Variants in ZFAND4 observed in about 807,000 individuals in gnomAD.
ZFAND4 encodes AN1-type zinc finger protein 4.
A neutral mutation model predicts 64.4 loss-of-function variants in ZFAND4; 43 were observed. The observed-to-expected ratio is 0.67, with a 90% CI of 0.52 to 0.86. The LOEUF is 0.86. Ranked by LOEUF, ZFAND4 falls within the 40% of genes least tolerant of loss-of-function variation. The pLI, the probability that ZFAND4 is intolerant of heterozygous loss-of-function variation, is 0.00. For missense variants in ZFAND4, 929 were observed against 859.8 expected (o/e 1.08, Z -1.01); for synonymous variants, 296 against 305.7 (o/e 0.97, Z 0.33).
intron 2 of ZFAND4, among the ~76,000 whole-genome samples, chr10:45,660,154 G>A (rs112512717): frequency 8.0e-6 from 1 of 125,028 alleles, no homozygotes; most frequent in Non-Finnish European, 1.6e-5. Flanking sequence ...AGAGCGAGAC[G>A]CATCTCAAAA....
At chr10:45,644,137 T>A (rs976338420) in intron 5 of ZFAND4, among the ~76,000 whole-genome samples, 5 of 152,202 alleles carry the variant, frequency 3.3e-5, no homozygotes, top group African/African-American at 1.2e-4. Context: ...CACAGTAACA[T>A]AGTCATAATT....
chr10:45,629,881 A>G (rs2046089782), intron 6 of ZFAND4, among the ~76,000 whole-genome samples: 1 of 152,068 alleles, frequency 6.6e-6, no homozygotes, highest in Admixed American at 6.6e-5. Context: ...AAAATAAATT[A>G]ATTTTTAAAA....
At chr10:45,617,021 T>C (rs1027857695) in intron 9 of ZFAND4, among the ~76,000 whole-genome samples, 2 of 149,902 alleles carry the variant, frequency 1.3e-5, no homozygotes, top group Non-Finnish European at 3.0e-5. Context: ...GAGGTTGCAG[T>C]GAGCCAAGAT....
chr10:45,651,466 ATT>A, intron 4 of ZFAND4: 13 of 433,774 alleles, frequency 3.0e-5, no homozygotes, highest in South Asian at 2.1e-4. Flanking sequence ...CTCAATACGT[ATT>A]TGTTGAATGA....
intron 4 of ZFAND4, among the ~76,000 whole-genome samples, chr10:45,648,749 G>A (rs953220975): frequency 6.6e-6 from 1 of 152,066 alleles, no homozygotes; most frequent in African/African-American, 2.4e-5. Context: ...GCATGATTAT[G>A]TTGCTATATT....
rs1001890132 is a variant in ZFAND4 at position 45,616,144 on chromosome 10, G to C, written c.*292C>G. ...CGTTTCCTAAAGTGCATCTTTTGAAGATTTGCCTAGTAAAACTGCAATATC... is the reference window on the plus strand; with the variant it reads ...CGTTTCCTAAAGTGCATCTTTTGAACATTTGCCTAGTAAAACTGCAATATC... On this transcript the variant is annotated 3_prime_UTR_variant, in exon 10 of 10. Coordinates refer to ENST00000344646, the MANE Select transcript of ZFAND4 (RefSeq NM_174890.4). The C allele has an allele frequency of 9.8e-6, 3 of 306,008 alleles. No homozygotes were observed. Among genetic ancestry groups the C allele is most frequent in the African/African-American group, 6.6e-5 (3 of 45,358 alleles). 19.0% of individuals were successfully genotyped at this position (306,008 alleles called of 1,614,324 possible).
chr10:45,660,354 G>A (rs539667210), intron 2 of ZFAND4, among the ~76,000 whole-genome samples: 162 of 151,814 alleles, frequency 1.1e-3, no homozygotes, highest in African/African-American at 3.6e-3. Context: ...ACAAAGAAAA[G>A]AAAATAAACT....
chr10:45,631,395 A>C (rs2046216046), intron 6 of ZFAND4, among the ~76,000 whole-genome samples: 1 of 152,018 alleles, frequency 6.6e-6, no homozygotes, highest in Non-Finnish European at 1.5e-5. Context: ...TATAAATTCT[A>C]AGAAATAATC....
chr10:45,671,728 T>C (rs2049208518), intron 1 of ZFAND4, among the ~76,000 whole-genome samples: 1 of 151,174 alleles, frequency 6.6e-6, no homozygotes, highest in Non-Finnish European at 1.5e-5. Context: ...AAATACGCAA[T>C]ATAAATGACG....
chr10:45,624,126 T>G (rs1589248969), intron 8 of ZFAND4, among the ~76,000 whole-genome samples: 1 of 152,234 alleles, frequency 6.6e-6, no homozygotes, highest in South Asian at 2.1e-4. Flanking sequence ...TAATAGGCCT[T>G]GGAAAGGGCT....
intron 8 of ZFAND4, among the ~76,000 whole-genome samples, chr10:45,619,650 T>C (rs759031007): frequency 4.6e-5 from 7 of 152,156 alleles, no homozygotes; most frequent in Non-Finnish European, 8.8e-5. Context: ...GTCTGAAATT[T>C]CTTAAAGGGT....
chr10:45,628,920 G>GA (rs1418187998), intron 6 of ZFAND4, among the ~76,000 whole-genome samples: 29 of 142,854 alleles, frequency 2.0e-4, no homozygotes, highest in African/African-American at 6.7e-4. Flanking sequence ...AAAAAAAAGG[G>GA]AAAAAAAATA....
At chr10:45,636,215 T>C (rs1291405902) in intron 6 of ZFAND4, among the ~76,000 whole-genome samples, 1 of 152,238 alleles carries the variant, frequency 6.6e-6, no homozygotes, top group Non-Finnish European at 1.5e-5. Context: ...ACTTCTTGAC[T>C]ATCAGTTACT....
chr10:45,632,490 G>A (rs2046294059), intron 6 of ZFAND4, among the ~76,000 whole-genome samples: 1 of 152,068 alleles, frequency 6.6e-6, no homozygotes, highest in South Asian at 2.1e-4. Context: ...ATGAGAGGAT[G>A]AAGAGAGAAG....
At chr10:45,620,986 C>G (rs2045379756) in intron 8 of ZFAND4, 1 of 152,190 alleles carries the variant, frequency 6.6e-6, no homozygotes, top group Admixed American at 6.5e-5. Flanking sequence ...CTTTTCACAA[C>G]AAGATGAAAG....
At position 45,634,491 on chromosome 10, in the gene ZFAND4, T is replaced by G. The variant is rs370168788; in HGVS notation, c.717+5325A>C. On this transcript the variant is annotated intron_variant, in intron 6 of 9. Transcript: ENST00000344646. ...TTGCAGTGAGCCGAGACCACACCAC[T>G]GCACTCCAGCCTGGGCAACAGCAAG... Among the ~76,000 whole-genome samples the G allele has an allele frequency of 5.4e-5, 8 of 146,838 alleles. No homozygotes were observed. In the East Asian group the frequency reaches 1.2e-3, roughly 22 times the overall value.
At chr10:45,625,133 T>C (rs1383247533) in intron 7 of ZFAND4, among the ~76,000 whole-genome samples, 4 of 149,466 alleles carry the variant, frequency 2.7e-5, no homozygotes, top group Non-Finnish European at 5.9e-5. Context: ...ACCATGATTA[T>C]GCCACTGTGC....
At chr10:45,635,272 T>C (rs1306401215) in intron 6 of ZFAND4, among the ~76,000 whole-genome samples, 1 of 139,134 alleles carries the variant, frequency 7.2e-6, no homozygotes, top group African/African-American at 2.7e-5. Context: ...CTTTAAATTA[T>C]ACTACAGAGC....
rs183118169 is a variant in ZFAND4 at position 45,624,445 on chromosome 10, G to A, written c.1927+138C>T. ...CCGTTCTCATAATTATTCTTAATTG[G>A]AAAAAGCATTTAGAGACAGAATTTA... On this transcript the variant is annotated intron_variant, in intron 8 of 9. Coordinates refer to ENST00000344646, the MANE Select transcript of ZFAND4 (RefSeq NM_174890.4). 4.3e-4 allele frequency: 285 copies of A among 660,840 alleles called. 1 individual carries two copies. The African/African-American group carries it at 4.4e-3, about 10-fold the overall frequency. 40.9% of individuals were successfully genotyped at this position (660,840 alleles called of 1,614,324 possible).
Sources: allele counts gnomAD v4.1 joint callset (sites outside exome capture counted in the v4.1 genomes callset), GRCh38; gene constraint gnomAD v4.1.1; transcripts MANE v1.5; gene names NCBI Gene and HGNC (gene_info 2026-07-23, HGNC 2026-07-21).